PCDHA7: variants seen among roughly 807,000 people sequenced by gnomAD.
PCDHA7 encodes the protein protocadherin alpha 7, also known as protocadherin alpha-7.
PCDHA7 carries 37 observed loss-of-function variants against 57.2 expected under a neutral mutation model. The observed-to-expected ratio is 0.65, with a 90% CI of 0.50 to 0.85. The LOEUF is 0.85. Ranked by LOEUF, PCDHA7 falls within the 40% of genes least tolerant of loss-of-function variation. The pLI, the probability that PCDHA7 is intolerant of heterozygous loss-of-function variation, is 0.00. For missense variants in PCDHA7, 1,188 were observed against 1,241.8 expected (o/e 0.96, Z 0.65); for synonymous variants, 553 against 558.8 (o/e 0.99, Z 0.15).
intron 3 of PCDHA7, among the ~76,000 whole-genome samples, chr5:141,006,559 T>C (rs2098278096): frequency 6.6e-6 from 1 of 152,134 alleles, no homozygotes; most frequent in East Asian, 1.9e-4. Flanking sequence ...TAAAGATGAC[T>C]CTGGCTACTG....
chr5:140,884,589 C>T, intron 1 of PCDHA7: 1 of 1,614,146 alleles, frequency 6.2e-7, no homozygotes, highest in Non-Finnish European at 8.5e-7. Flanking sequence ...GCCTTCAGTC[C>T]CAGCCTTCCT....
At chr5:140,931,471 G>GA (rs1215090719) in intron 1 of PCDHA7, among the ~76,000 whole-genome samples, 9 of 151,796 alleles carry the variant, frequency 5.9e-5, no homozygotes, top group Non-Finnish European at 1.0e-4. Context: ...AATGACAGAG[G>GA]AAAAAACAAC....
In PCDHA7 at chr5:140,982,208, G is replaced by A. The variant is rs146224628; in HGVS notation, c.2415-267G>A. 246 of 434,966 alleles carry A rather than the reference G, an allele frequency of 5.7e-4. 1 individual carries two copies. The highest frequency in any genetic ancestry group is 7.4e-4 in the Non-Finnish European group (200 of 268,658). 26.9% of individuals were successfully genotyped at this position (434,966 alleles called of 1,614,324 possible). ...GGGCTTCCTGTTAGATTTAGTGAGC[G>A]CCACATGGCGTTAATAAAAAACAGA... On this transcript the variant is annotated intron_variant, in intron 2 of 3. Coordinates refer to ENST00000525929, the MANE Select transcript of PCDHA7 (RefSeq NM_018910.3).
chr5:140,972,957 C>T (rs369707081), intron 1 of PCDHA7, among the ~76,000 whole-genome samples: 1 of 152,054 alleles, frequency 6.6e-6, no homozygotes, highest in East Asian at 1.9e-4. Context: ...CCACCATGCC[C>T]GGCAAAGGAA....
At chr5:140,917,876 C>CT (rs575141569) in intron 1 of PCDHA7, among the ~76,000 whole-genome samples, 41 of 147,132 alleles carry the variant, frequency 2.8e-4, no homozygotes, top group Admixed American at 1.6e-3. Context: ...TATTTGGGCT[C>CT]TTTTTTTTTT....
In PCDHA7 at chr5:140,834,529, C is replaced by T. The variant is rs2150220403; in HGVS notation, c.146C>T (p.Ala49Val). 1.9e-6 allele frequency: 3 copies of T among 1,614,054 alleles called. No individual in the cohort carries two copies. Among genetic ancestry groups the T allele is most frequent in the Non-Finnish European group, 2.5e-6 (3 of 1,180,042 alleles). The change falls in exon 1 of 4, where the codon GCG becomes GTG. Residue 49 changes from alanine to valine, a missense_variant. By Grantham distance (64) the Ala-to-Val change is moderately conservative (BLOSUM62 0). Around this residue, in one of 3 missense-constraint regions of PCDHA7, gnomAD observed 194 missense variants for 185.8 expected, o/e 1.04. Coordinates refer to ENST00000525929, the MANE Select transcript of PCDHA7 (RefSeq NM_018910.3). ...AKHGNFVGRIAQDLGLELAEL... is the reference protein window; with the variant it reads ...AKHGNFVGRIVQDLGLELAEL... ...CATGGCAACTTCGTGGGCCGCATCG[C>T]GCAGGACCTGGGGCTGGAGCTGGCG...
In PCDHA7 at chr5:140,875,833, G is replaced by T. The variant is rs782436615; in HGVS notation, c.2355+39095G>T. The stretch of plus-strand genomic sequence containing the variant: ...GCCGCTGCAGGTTTTCCATGTGGAC[G>T]TGGAGGTGAAGGACATTAACGACAA... On this transcript the variant is annotated intron_variant, in intron 1 of 3. Coordinates refer to ENST00000525929, the MANE Select transcript of PCDHA7 (RefSeq NM_018910.3). 2.3e-5 allele frequency: 37 copies of T among 1,614,100 alleles called. No homozygotes were observed. The Admixed American group carries it at 6.0e-4, about 26-fold the overall frequency.
At chr5:140,922,144 A>C (rs906517842) in intron 1 of PCDHA7, among the ~76,000 whole-genome samples, 5 of 151,922 alleles carry the variant, frequency 3.3e-5, no homozygotes, top group African/African-American at 1.2e-4. Flanking sequence ...TCCTCCATGA[A>C]ACTCATCAAA....
intron 1 of PCDHA7, chr5:140,870,259 T>G: frequency 6.2e-7 from 1 of 1,614,190 alleles, no homozygotes; most frequent in African/African-American, 1.3e-5. Flanking sequence ...ACAGGTGACC[T>G]GCTCGCTGAC....
At chr5:140,961,997 C>T (rs1160116142) in intron 1 of PCDHA7, among the ~76,000 whole-genome samples, 1 of 152,080 alleles carries the variant, frequency 6.6e-6, no homozygotes, top group South Asian at 2.1e-4. Context: ...CATTGTCCTG[C>T]CTCAGCTTCC....
At chr5:140,856,746 A>G (rs996216348) in intron 1 of PCDHA7, 1 of 1,596,552 alleles carries the variant, frequency 6.3e-7, no homozygotes, top group Non-Finnish European at 8.6e-7. Context: ...CTGGTGTTAG[A>G]TGCCAATGAT....
At chr5:140,841,695 A>C in intron 1 of PCDHA7, 1 of 1,613,932 alleles carries the variant, frequency 6.2e-7, no homozygotes, top group East Asian at 2.2e-5. Flanking sequence ...GAGGTGAAGG[A>C]TGTTAATGAC....
chr5:141,001,324 C>G (rs1455380423), intron 3 of PCDHA7, among the ~76,000 whole-genome samples: 2 of 152,154 alleles, frequency 1.3e-5, no homozygotes, highest in Non-Finnish European at 1.5e-5. Flanking sequence ...TGCCAAACAT[C>G]ACCATAATTT....
At chr5:140,928,381 T>C (rs1554205835) in intron 1 of PCDHA7, 2 of 1,614,054 alleles carry the variant, frequency 1.2e-6, no homozygotes, top group African/African-American at 2.7e-5. Flanking sequence ...AGCCTCTAGC[T>C]TGCTGGCAGT....
intron 3 of PCDHA7, among the ~76,000 whole-genome samples, chr5:140,997,125 A>C (rs2097760835): frequency 6.6e-6 from 1 of 152,072 alleles, no homozygotes; most frequent in Admixed American, 6.6e-5. Context: ...CCACATACAC[A>C]ATGCCCCCAC....
intron 1 of PCDHA7, among the ~76,000 whole-genome samples, chr5:140,894,197 A>G (rs1378272032): frequency 6.6e-6 from 1 of 152,008 alleles, no homozygotes; most frequent in Admixed American, 6.6e-5. Context: ...TATTTTTTCT[A>G]TGCTATTATA....
chr5:140,838,631 G>T (rs1181187323), intron 1 of PCDHA7, among the ~76,000 whole-genome samples: 2 of 151,888 alleles, frequency 1.3e-5, no homozygotes, highest in Non-Finnish European at 2.9e-5. Context: ...CAAATAATTT[G>T]GTTGGTCAAA....
chr5:140,871,452 G>C, intron 1 of PCDHA7: 1 of 1,608,608 alleles, frequency 6.2e-7, no homozygotes, highest in Non-Finnish European at 8.5e-7. Context: ...ATAAAGAGGA[G>C]GAAGGGGAAA....
chr5:140,928,108 G>A (rs782166106), intron 1 of PCDHA7: 5 of 1,614,072 alleles, frequency 3.1e-6, no homozygotes, highest in Admixed American at 3.3e-5. Context: ...CCTGGACCGG[G>A]AGCAGATCAG....
Sources: gnomAD v4.1 joint callset for allele counts (sites outside exome capture counted in the v4.1 genomes callset) on GRCh38, gnomAD v4.1.1 for gene constraint, gnomAD v4.1.1 regional missense constraint, MANE v1.5 for transcripts, NCBI Gene and HGNC (gene_info 2026-07-23, HGNC 2026-07-21) for gene names.